The following ZNF75A variants were observed in gnomAD, a reference collection of about 807,000 sequenced individuals.
The protein encoded by ZNF75A is zinc finger protein 75A.
In ZNF75A, 36 loss-of-function variants were observed where a neutral mutation model predicts 46.3. The ratio of observed to expected loss-of-function variants is 0.78; its 90% CI spans 0.60 to 1.03. The LOEUF (loss-of-function observed/expected upper bound fraction) is 1.03, where lower values mean the gene tolerates loss of function less well. ZNF75A is among the 50% of genes least tolerant of loss of function. ZNF75A has a pLI of 0.00. For synonymous variants in ZNF75A, 234 were observed against 189.9 expected (o/e 1.23, Z -1.91); for missense variants, 595 against 551.3 (o/e 1.08, Z -0.79).
intron 5 of ZNF75A, chr16:3,315,866 T>TG (rs1961169507): frequency 6.6e-6 from 1 of 152,264 alleles, no homozygotes; most frequent in Non-Finnish European, 1.5e-5. Context: ...CTGGCTCCTA[T>TG]GGAGTTCTTT....
downstream of ZNF75A, among the ~76,000 whole-genome samples, chr16:3,319,796 TA>T (rs1961458298): frequency 1.7e-5 from 2 of 117,196 alleles, no homozygotes; most frequent in African/African-American, 5.1e-5. Flanking sequence ...TTTTTTTTTT[TA>T]TTTTTTTTTT....
intron 2 of ZNF75A, chr16:3,310,885 C>G: frequency 4.1e-6 from 4 of 985,416 alleles, no homozygotes; most frequent in Non-Finnish European, 4.8e-6. Context: ...CATCTGCTGA[C>G]CTCGGGTCTG....
chr16:3,314,362 G>T (rs959827132), intron 5 of ZNF75A, among the ~76,000 whole-genome samples: 4 of 152,178 alleles, frequency 2.6e-5, no homozygotes, highest in African/African-American at 4.8e-5. Flanking sequence ...CCAAAGACTG[G>T]ACAGTGGCAC....
At chr16:3,320,943 C>T (rs1167795465), downstream of ZNF75A, among the ~76,000 whole-genome samples, 3 of 152,168 alleles carry the variant, frequency 2.0e-5, no homozygotes, top group African/African-American at 7.2e-5. Context: ...AAGACAGTTC[C>T]ACCTGTGGAG....
downstream of ZNF75A, among the ~76,000 whole-genome samples, chr16:3,319,789 T>TA (rs1172737688): frequency 2.6e-5 from 3 of 114,706 alleles, no homozygotes; most frequent in African/African-American, 5.5e-5. Context: ...TTTCATTTTT[T>TA]TTTTTTTATT....
Position 3,317,906 on chromosome 16 carries a change from T to C in ZNF75A, c.*37T>C, listed in dbSNP as rs1961352592. On this transcript the variant is annotated 3_prime_UTR_variant, in exon 7 of 7. Transcript: ENST00000669516. Reference sequence around the variant, plus strand: ...TCCAGTGTCCTCATTCTGAAGACATTCACCAAATGGAGCTTGGCACTAAAA... The same window carrying C: ...TCCAGTGTCCTCATTCTGAAGACATCCACCAAATGGAGCTTGGCACTAAAA... 1.3e-6 allele frequency: 2 copies of C among 1,530,224 alleles called. No homozygotes were observed. Among genetic ancestry groups the C allele is most frequent in the African/African-American group, 2.8e-5 (2 of 71,826 alleles). The allele number at this position is 1,530,224 out of a possible 1,614,324, so 94.8% of individuals were successfully genotyped here. A position where few individuals can be genotyped will look rare whatever the true frequency, so the allele number is the denominator to read the frequency against.
chr16:3,314,599 G>C, intron 5 of ZNF75A: 1 of 903,820 alleles, frequency 1.1e-6, no homozygotes, highest in Non-Finnish European at 1.3e-6. Flanking sequence ...CTTTTCTTCT[G>C]CCTTCGCCCC....
chr16:3,322,968 G>T (rs563568320), downstream of ZNF75A: 1 of 983,256 alleles, frequency 1.0e-6, no homozygotes, highest in South Asian at 4.7e-5. Flanking sequence ...GGCAGCCAAT[G>T]TAGAAAATGC....
downstream of ZNF75A, chr16:3,322,879 T>C (rs1160772105): frequency 3.0e-6 from 3 of 984,872 alleles, no homozygotes; most frequent in South Asian, 1.4e-4. Context: ...CTTGTACAAA[T>C]GCTAGAGTTA....
rs953860796 is a variant in ZNF75A at position 3,313,251 on chromosome 16, T to C, written c.823+76T>C. 36 of 1,475,944 alleles carry C rather than the reference T, an allele frequency of 2.4e-5. No homozygotes were observed. The African/African-American group carries it at 4.5e-4, about 18-fold the overall frequency. The allele number at this position is 1,475,944 out of a possible 1,614,324, so 91.4% of individuals were successfully genotyped here. ...ACTGAGAAGGAACCCCAGTGAGGGG[T>C]GTCTTACTGTTCCAGGAGCTGGTTG... is the stretch of plus-strand genomic sequence containing the variant. On this transcript the variant is annotated intron_variant, in intron 5 of 6. Transcript: ENST00000669516.
In ZNF75A at chr16:3,310,975, C is replaced by A. The variant is rs184600589; in HGVS notation, c.409-778C>A. ...GGTTGGAGCCACTCCCCTTTTTTCTCCATTCTATCCCCATTCTCTGAAAAC... is the reference window on the plus strand; with the variant it reads ...GGTTGGAGCCACTCCCCTTTTTTCTACATTCTATCCCCATTCTCTGAAAAC... On this transcript the variant is annotated intron_variant, in intron 2 of 6. Coordinates refer to ENST00000669516, the MANE Select transcript of ZNF75A (RefSeq NM_001302109.2). 760 of 984,152 alleles carry A rather than the reference C, an allele frequency of 7.7e-4. 4 individuals carry two copies. The highest frequency in any genetic ancestry group is 5.6e-4 in the Non-Finnish European group (466 of 828,886). The allele number at this position is 984,152 out of a possible 1,614,324, so 61.0% of individuals were successfully genotyped here.
Position 3,317,550 on chromosome 16 carries a change from G to A in ZNF75A, c.1295G>A (p.Cys432Tyr). ...RIHTEEKPYK[C>Y]QQCDKRFRWS... The stretch of plus-strand genomic sequence containing the variant: ...CACACTGAAGAGAAACCCTATAAAT[G>A]TCAACAGTGTGATAAGAGGTTTAGA... The change falls in exon 7 of 7, where the codon TGT (cysteine) becomes TAT (tyrosine). Residue 432 changes from cysteine to tyrosine, a missense_variant. Coordinates refer to ENST00000669516, the MANE Select transcript of ZNF75A (RefSeq NM_001302109.2). The A allele has an allele frequency of 6.2e-7, 1 of 1,614,066 alleles. No individual in the cohort carries two copies. The highest frequency in any genetic ancestry group is 2.2e-5 in the East Asian group (1 of 44,880).
intron 1 of ZNF75A, chr16:3,305,946 A>T (rs1199551564): frequency 6.6e-6 from 1 of 152,260 alleles, no homozygotes; most frequent in African/African-American, 2.4e-5. Context: ...CAGTGCCTGC[A>T]GCTGCGCCCG....
At position 3,317,374 on chromosome 16, in the gene ZNF75A, G is replaced by A; in HGVS notation, c.1119G>A (p.Lys373=). The part of the protein sequence containing the change: ...VGKWHQDFPV[K]KRKKLSTWKQ... Reference sequence around the variant, plus strand: ...AATGGCACCAAGATTTTCCAGTGAAGAAAAGAAAGAAACTTTCAACCTGGA... The same window carrying A: ...AATGGCACCAAGATTTTCCAGTGAAAAAAAGAAAGAAACTTTCAACCTGGA... Residue 373 remains lysine (K), a synonymous_variant, in exon 7 of 7, where the codon AAG becomes AAA. Transcript: ENST00000669516. 1 of 1,614,050 alleles carries A rather than the reference G, an allele frequency of 6.2e-7. No homozygotes were observed. The highest frequency in any genetic ancestry group is 8.5e-7 in the Non-Finnish European group (1 of 1,179,978).
chr16:3,313,577 A>C (rs988525967), intron 5 of ZNF75A, among the ~76,000 whole-genome samples: 2 of 152,190 alleles, frequency 1.3e-5, no homozygotes, highest in Admixed American at 6.5e-5. Flanking sequence ...TGACTGCAAC[A>C]ATGTCTCATC....
rs565086447 is a variant in ZNF75A at position 3,310,776 on chromosome 16, C to G, written c.409-977C>G. The G allele has an allele frequency of 1.6e-4, 156 of 985,392 alleles. 2 individuals are homozygous for G. In the South Asian group the frequency reaches 6.3e-3, roughly 40 times the overall value. The allele number at this position is 985,392 out of a possible 1,614,324, so 61.0% of individuals were successfully genotyped here. On this transcript the variant is annotated intron_variant, in intron 2 of 6. Transcript: ENST00000669516. ...AATGCACTGATGGGTAATGTCCTCC[C>G]TATAGTAGATGAAAGTCTCTACTGC...
At chr16:3,319,291 T>A (rs535739223), downstream of ZNF75A, among the ~76,000 whole-genome samples, 2 of 152,242 alleles carry the variant, frequency 1.3e-5, no homozygotes, top group South Asian at 4.2e-4. Context: ...TTTTTTGTAT[T>A]TTTAGTAGAG....
At chr16:3,306,864 C>T (rs1197804996) in intron 1 of ZNF75A, 1 of 152,054 alleles carries the variant, frequency 6.6e-6, no homozygotes, top group Non-Finnish European at 1.5e-5. Context: ...CCCACTGTAT[C>T]TGGGTTTCAC....
intron 2 of ZNF75A, chr16:3,310,697 G>T (rs919066680): frequency 1.0e-6 from 1 of 985,442 alleles, no homozygotes; most frequent in African/African-American, 1.7e-5. Context: ...TAGAAAAAAG[G>T]GAAACAAAGA....
Sources: allele counts gnomAD v4.1 joint callset (sites outside exome capture counted in the v4.1 genomes callset), GRCh38; gene constraint gnomAD v4.1.1; transcripts MANE v1.5; gene names NCBI Gene and HGNC (gene_info 2026-07-23, HGNC 2026-07-21).